The following JMJD1C variants were observed in gnomAD, a reference collection of about 807,000 sequenced individuals.
The protein encoded by JMJD1C is jumonji domain containing 1C.
Under a neutral mutation model 245.3 loss-of-function variants are expected in JMJD1C, and 31 were observed. The ratio of observed to expected loss-of-function variants is 0.13; its 90% CI spans 0.09 to 0.17. The LOEUF (loss-of-function observed/expected upper bound fraction) is 0.17. JMJD1C is among the 10% of genes least tolerant of loss of function. The probability of loss-of-function intolerance (pLI) is 1.00; values close to 1 mark genes in which losing one functional copy is unlikely to be tolerated. For synonymous variants in JMJD1C, 1,057 were observed against 1,017.4 expected (o/e 1.04, Z -0.74); for missense variants, 2,691 against 3,000.2 (o/e 0.90, Z 2.41).
At chr10:63,369,711 G>A (rs1946142478) in intron 2 of JMJD1C, among the ~76,000 whole-genome samples, 1 of 152,196 alleles carries the variant, frequency 6.6e-6, no homozygotes, top group African/African-American at 2.4e-5. Context: ...TTTGCTTTAA[G>A]AGTGTAGGCC....
At chr10:63,407,464 T>G (rs1949236884) in intron 1 of JMJD1C, among the ~76,000 whole-genome samples, 1 of 152,114 alleles carries the variant, frequency 6.6e-6, no homozygotes, top group East Asian at 1.9e-4. Flanking sequence ...TTTAAAAAAA[T>G]CTAAATATAC....
chr10:63,442,223 C>T (rs944414219), intron 1 of JMJD1C, among the ~76,000 whole-genome samples: 1 of 152,126 alleles, frequency 6.6e-6, no homozygotes, highest in African/African-American at 2.4e-5. Context: ...GTAGGATGTC[C>T]TAGACTGCCA....
At chr10:63,326,260 C>T (rs750458108) in intron 2 of JMJD1C, among the ~76,000 whole-genome samples, 6 of 151,878 alleles carry the variant, frequency 4.0e-5, no homozygotes, top group Non-Finnish European at 8.8e-5. Flanking sequence ...TTTGGAAGGC[C>T]GAGACAGGCG....
intron 1 of JMJD1C, among the ~76,000 whole-genome samples, chr10:63,434,895 A>G (rs1438784398): frequency 6.6e-6 from 1 of 152,240 alleles, no homozygotes; most frequent in African/African-American, 2.4e-5. Flanking sequence ...AGGGCACTGA[A>G]AAAACTCACA....
intron 2 of JMJD1C, among the ~76,000 whole-genome samples, chr10:63,367,336 T>A (rs1387363263): frequency 6.6e-6 from 1 of 152,152 alleles, no homozygotes; most frequent in Non-Finnish European, 1.5e-5. Context: ...AACCTCCACC[T>A]TCCAGGTTCG....
chr10:63,190,346 G>T (rs539061185), intron 17 of JMJD1C, among the ~76,000 whole-genome samples: 1 of 152,036 alleles, frequency 6.6e-6, no homozygotes, highest in East Asian at 1.9e-4. Flanking sequence ...TGGGATTACA[G>T]ACACGTGCCA....
At chr10:63,362,931 T>C (rs1362058688) in intron 2 of JMJD1C, among the ~76,000 whole-genome samples, 2 of 152,290 alleles carry the variant, frequency 1.3e-5, no homozygotes, top group East Asian at 3.9e-4. Context: ...AGTATTACTG[T>C]AGGGCACTTA....
chr10:63,347,335 G>A (rs947625240), intron 2 of JMJD1C, among the ~76,000 whole-genome samples: 2 of 152,078 alleles, frequency 1.3e-5, no homozygotes, highest in Non-Finnish European at 2.9e-5. Flanking sequence ...TGTAATCCCA[G>A]CACTTTGGGA....
Position 63,465,469 on chromosome 10 carries a change from GA to G in JMJD1C, c.168+25del, listed in dbSNP as rs1286673083. 6.3e-6 allele frequency: 10 copies of G among 1,575,288 alleles called. No individual in the cohort carries two copies. In the African/African-American group the frequency reaches 8.1e-5, roughly 13 times the overall value. ...AGAGCCGGGTGCGGGCGCGGCAGGG[GA>G]AAAGGGGGGCGCTGACTCTCTTACC... On this transcript the variant is annotated intron_variant, in intron 1 of 25. Coordinates refer to ENST00000399262, the MANE Select transcript of JMJD1C (RefSeq NM_032776.3).
At chr10:63,495,714 C>T (rs1197534112) in intron 1 of JMJD1C, among the ~76,000 whole-genome samples, 2 of 146,220 alleles carry the variant, frequency 1.4e-5, no homozygotes, top group African/African-American at 5.1e-5. Context: ...GCCGAGATCG[C>T]ACCATTGCAC....
chr10:63,241,824 C>T (rs946702804), intron 3 of JMJD1C, among the ~76,000 whole-genome samples: 8 of 152,132 alleles, frequency 5.3e-5, no homozygotes, highest in African/African-American at 1.9e-4. Flanking sequence ...TTGTTTTGTT[C>T]ATGGCTGTAC....
chr10:63,436,942 C>G (rs1465762542), intron 1 of JMJD1C, among the ~76,000 whole-genome samples: 1 of 152,118 alleles, frequency 6.6e-6, no homozygotes, highest in Admixed American at 6.6e-5. Context: ...TCCCCTGGAC[C>G]TAAGATTCAC....
At chr10:63,387,696 C>T (rs1471324036) in intron 1 of JMJD1C, among the ~76,000 whole-genome samples, 2 of 118,224 alleles carry the variant, frequency 1.7e-5, no homozygotes, top group African/African-American at 3.3e-5. Flanking sequence ...AGTGCAGTGG[C>T]GTGATCTCAG....
intron 1 of JMJD1C, among the ~76,000 whole-genome samples, chr10:63,383,635 G>A (rs190009769): frequency 2.0e-5 from 3 of 152,018 alleles, no homozygotes; most frequent in African/African-American, 7.3e-5. Context: ...GGGAGGTTGA[G>A]GCTGCAATGA....
At chr10:63,241,457 A>G (rs1851475203) in intron 3 of JMJD1C, among the ~76,000 whole-genome samples, 1 of 152,214 alleles carries the variant, frequency 6.6e-6, no homozygotes, top group African/African-American at 2.4e-5. Flanking sequence ...AATTATTTAT[A>G]TAAGGGAAAA....
chr10:63,267,146 T>C (rs904238331), intron 2 of JMJD1C, among the ~76,000 whole-genome samples: 1 of 152,182 alleles, frequency 6.6e-6, no homozygotes, highest in Admixed American at 6.5e-5. Flanking sequence ...AAGTATATCA[T>C]GCTTCTTAAA....
At chr10:63,427,967 C>T (rs892903559) in intron 1 of JMJD1C, 2 of 700,020 alleles carry the variant, frequency 2.9e-6, no homozygotes, top group Admixed American at 4.1e-5. Context: ...CTCATTGCCA[C>T]CACAGCATCC....
chr10:63,519,186 T>C (rs1821725977), intron 1 of JMJD1C, among the ~76,000 whole-genome samples: 1 of 152,124 alleles, frequency 6.6e-6, no homozygotes, highest in Non-Finnish European at 1.5e-5. Context: ...AGGCAGAAGA[T>C]ATAATAAGCA....
chr10:63,516,405 G>A (rs1384124428), intron 1 of JMJD1C, among the ~76,000 whole-genome samples: 2 of 152,090 alleles, frequency 1.3e-5, no homozygotes, highest in Non-Finnish European at 2.9e-5. Flanking sequence ...CTGCTTACTA[G>A]ACATGATGTC....
Sources: gnomAD v4.1 joint callset for allele counts (sites outside exome capture counted in the v4.1 genomes callset) on GRCh38, gnomAD v4.1.1 for gene constraint, MANE v1.5 for transcripts, NCBI Gene and HGNC (gene_info 2026-07-23, HGNC 2026-07-21) for gene names.